PEBP4: variants seen among roughly 807,000 people sequenced by gnomAD.
PEBP4 encodes phosphatidylethanolamine-binding protein 4.
Under a neutral mutation model 23.9 loss-of-function variants are expected in PEBP4, and 22 were observed. The ratio of observed to expected loss-of-function variants is 0.92; its 90% CI spans 0.66 to 1.31. PEBP4 has a LOEUF of 1.31. Ranked by LOEUF, PEBP4 falls within the 40% of genes most tolerant of loss-of-function variation. The pLI is 0.00. For missense variants in PEBP4, 324 were observed against 281.7 expected, an observed-to-expected ratio of 1.15 and a Z score of -1.07; for synonymous variants, 112 against 99.3, an observed-to-expected ratio of 1.13 and a Z score of -0.76.
intron 4 of PEBP4, among the ~76,000 whole-genome samples, chr8:22,792,538 T>C (rs1197742233): frequency 1.3e-5 from 2 of 152,154 alleles, no homozygotes; most frequent in Non-Finnish European, 2.9e-5. Flanking sequence ...CCTTTCCTGC[T>C]CATCCCAGTC....
chr8:22,901,628 T>C lies in PEBP4; in HGVS notation c.258+18556A>G, dbSNP rs188124401. Among the ~76,000 whole-genome samples the C allele has an allele frequency of 3.9e-3, 598 of 152,190 alleles. 3 individuals carry two copies. Among genetic ancestry groups the C allele is most frequent in the Non-Finnish European group, 5.9e-3 (400 of 67,994 alleles). ...GTGATTGAGAACTAGGAAAACCTCCTCTCCAGGGCAAGGCCAAACCTACTC... is the reference window on the plus strand; with the variant it reads ...GTGATTGAGAACTAGGAAAACCTCCCCTCCAGGGCAAGGCCAAACCTACTC... On this transcript the variant is annotated intron_variant, in intron 3 of 6. Coordinates refer to ENST00000256404, the MANE Select transcript of PEBP4 (RefSeq NM_144962.3).
intron 3 of PEBP4, among the ~76,000 whole-genome samples, chr8:22,913,750 C>T (rs1809001481): frequency 6.6e-6 from 1 of 152,200 alleles, no homozygotes; most frequent in East Asian, 1.9e-4. Flanking sequence ...TCCAGTCGAC[C>T]CCTCAACCCC....
chr8:22,885,835 G>C (rs1563249388), intron 3 of PEBP4: 1 of 152,212 alleles, frequency 6.6e-6, no homozygotes, highest in East Asian at 1.9e-4. Flanking sequence ...CTGTGTGCAA[G>C]AGAAGGGGAG....
intron 3 of PEBP4, among the ~76,000 whole-genome samples, chr8:22,905,249 T>C (rs1217702241): frequency 6.6e-6 from 1 of 152,110 alleles, no homozygotes; most frequent in Non-Finnish European, 1.5e-5. Flanking sequence ...TGAACTTTCT[T>C]CTTTCTATAA....
chr8:22,770,718 T>C (rs1017036440), intron 4 of PEBP4, among the ~76,000 whole-genome samples: 28 of 152,304 alleles, frequency 1.8e-4, no homozygotes, highest in African/African-American at 6.7e-4. Context: ...CCATCCCACC[T>C]CTCCTTGATC....
intron 1 of PEBP4, among the ~76,000 whole-genome samples, chr8:22,936,018 GAA>G (rs200742154): frequency 1.1e-5 from 1 of 93,724 alleles, no homozygotes; most frequent in Non-Finnish European, 2.2e-5. Context: ...AGGAGCTAGG[GAA>G]AAAAAAAAAA....
At chr8:22,924,151 C>T (rs749067025) in intron 2 of PEBP4, among the ~76,000 whole-genome samples, 5 of 152,110 alleles carry the variant, frequency 3.3e-5, no homozygotes, top group African/African-American at 1.2e-4. Flanking sequence ...TTGCTTGAGC[C>T]CAGGAGTTTG....
chr8:22,760,543 T>C (rs1230130482), intron 4 of PEBP4, among the ~76,000 whole-genome samples: 1 of 150,930 alleles, frequency 6.6e-6, no homozygotes, highest in African/African-American at 2.4e-5. Flanking sequence ...GAAGGTGGGG[T>C]GGCTGAGGCC....
chr8:22,742,513 G>T (rs1054281993), intron 4 of PEBP4, among the ~76,000 whole-genome samples: 6 of 152,218 alleles, frequency 3.9e-5, no homozygotes, highest in African/African-American at 1.4e-4. Context: ...TTGTCACTGG[G>T]TGTTTCCTAT....
Position 22,713,411 on chromosome 8 carries a change from C to T in PEBP4, c.643G>A (p.Glu215Lys), listed in dbSNP as rs770432207. Residue 215 changes from glutamate (E) to lysine (K), a missense_variant, in exon 7 of 7, where the codon GAG (glutamate) becomes AAG (lysine). Glu to Lys is a moderately conservative substitution (Grantham distance 56). Coordinates refer to ENST00000256404, the MANE Select transcript of PEBP4 (RefSeq NM_144962.3). ...TCCGCCTGGTTTTTGTGCTTGGGCT[C>T]GCTGGCCCTTTCTCTGGGAGCCTGG... is the stretch of plus-strand genomic sequence containing the variant. ...TLQAPRERASEPKHKNQAEIA... is the reference protein window; with the variant it reads ...TLQAPRERASKPKHKNQAEIA... The T allele has an allele frequency of 9.3e-6, 15 of 1,610,330 alleles. No individual in the cohort carries two copies. Among genetic ancestry groups the T allele is most frequent in the South Asian group, 7.7e-5 (7 of 90,830 alleles).
intron 4 of PEBP4, among the ~76,000 whole-genome samples, chr8:22,806,538 C>G (rs1806496946): frequency 6.6e-6 from 1 of 151,170 alleles, no homozygotes; most frequent in South Asian, 2.1e-4. Flanking sequence ...TTGCTTGAAG[C>G]CAGAAGGCGG....
chr8:22,719,911 A>G (rs1476592719), intron 6 of PEBP4, among the ~76,000 whole-genome samples: 1 of 152,206 alleles, frequency 6.6e-6, no homozygotes, highest in Non-Finnish European at 1.5e-5. Context: ...TGGTACTCAC[A>G]GAGGTGGCTG....
rs1554478099 is a variant in PEBP4 at position 22,722,770 on chromosome 8, A to AT, written c.517+2072dup. On this transcript the variant is annotated intron_variant, in intron 6 of 6. Transcript: ENST00000256404. ...GCTGGGGCTTTCATCTGGGAGGGCC[A>AT]TTTTTTTTTTTTTGTTTTTTTGAGA... 2.3e-3 allele frequency among the ~76,000 whole-genome samples: 329 copies of AT among 145,962 alleles called. 1 individual carries two copies. The highest frequency in any genetic ancestry group is 9.5e-3 in the South Asian group (43 of 4,522).
chr8:22,843,576 G>T (rs1807368906), intron 3 of PEBP4, among the ~76,000 whole-genome samples: 1 of 152,184 alleles, frequency 6.6e-6, no homozygotes. Flanking sequence ...ACCACCTGCT[G>T]CATGGCCAAT....
intron 3 of PEBP4, among the ~76,000 whole-genome samples, chr8:22,906,774 G>A (rs1363281679): frequency 1.3e-5 from 2 of 152,244 alleles, no homozygotes; most frequent in Non-Finnish European, 2.9e-5. Flanking sequence ...GACTGAGACT[G>A]TTCGAATGCT....
intron 4 of PEBP4, among the ~76,000 whole-genome samples, chr8:22,735,485 C>T (rs903179158): frequency 2.0e-5 from 3 of 152,214 alleles, no homozygotes; most frequent in African/African-American, 7.2e-5. Flanking sequence ...GAAGCCAGAA[C>T]CAGCATGTGA....
chr8:22,874,732 C>T (rs1808085234), intron 3 of PEBP4, among the ~76,000 whole-genome samples: 1 of 152,196 alleles, frequency 6.6e-6, no homozygotes, highest in South Asian at 2.1e-4. Context: ...TTTTCCTCCA[C>T]TCCTATGGCA....
intron 3 of PEBP4, among the ~76,000 whole-genome samples, chr8:22,823,337 C>T (rs1256508771): frequency 6.6e-6 from 1 of 151,712 alleles, no homozygotes; most frequent in Non-Finnish European, 1.5e-5. Context: ...AGAAAACTTC[C>T]ATATTTAAAT....
At chr8:22,933,478 A>G (rs1393853286) in intron 1 of PEBP4, among the ~76,000 whole-genome samples, 1 of 152,264 alleles carries the variant, frequency 6.6e-6, no homozygotes, top group Non-Finnish European at 1.5e-5. Context: ...CCAATTTATC[A>G]GCAGAAACTT....
Sources: gnomAD v4.1 joint callset for allele counts (sites outside exome capture counted in the v4.1 genomes callset) on GRCh38, gnomAD v4.1.1 for gene constraint, MANE v1.5 for transcripts, NCBI Gene and HGNC (gene_info 2026-07-23, HGNC 2026-07-21) for gene names.